Variants in SDK1 observed in about 807,000 individuals in gnomAD.
SDK1 encodes the protein protein sidekick-1.
Under a neutral mutation model 245.5 loss-of-function variants are expected in SDK1, and 157 were observed. The ratio of observed to expected loss-of-function variants is 0.64; its 90% CI spans 0.56 to 0.73. The LOEUF (loss-of-function observed/expected upper bound fraction) is 0.73, where lower values mean the gene tolerates loss of function less well. Among genes scored for constraint, SDK1 ranks in the 30% least tolerant of loss-of-function variants. The pLI is 0.00. For synonymous variants in SDK1, 1,647 were observed against 1,278.5 expected, an observed-to-expected ratio of 1.29 and a Z score of -6.15; for missense variants, 3,583 against 3,002.3, an observed-to-expected ratio of 1.19 and a Z score of -4.52.
intron 22 of SDK1, among the ~76,000 whole-genome samples, chr7:4,088,726 G>C (rs1305326710): frequency 6.6e-6 from 1 of 152,152 alleles, no homozygotes; most frequent in Non-Finnish European, 1.5e-5. Context: ...CTTGATGTTT[G>C]TTTTGTTTGG....
intron 5 of SDK1, among the ~76,000 whole-genome samples, chr7:3,866,716 C>G (rs1780830278): frequency 6.6e-6 from 1 of 152,136 alleles, no homozygotes; most frequent in Admixed American, 6.5e-5. Flanking sequence ...ATACAGACAC[C>G]AGGCTGGTTA....
intron 4 of SDK1, among the ~76,000 whole-genome samples, chr7:3,797,886 C>T (rs191161002): frequency 1.1e-3 from 165 of 152,236 alleles, no homozygotes; most frequent in Non-Finnish European, 2.1e-3. Context: ...CAGATGTCAA[C>T]TTTTTGTTGT....
intron 19 of SDK1, among the ~76,000 whole-genome samples, chr7:4,060,825 G>A (rs939610579): frequency 6.6e-5 from 10 of 152,100 alleles, no homozygotes; most frequent in Admixed American, 3.3e-4. Context: ...TGTATAAGGT[G>A]TAAGGAGGGG....
At chr7:4,202,556 G>A (rs975894447) in intron 35 of SDK1, among the ~76,000 whole-genome samples, 4 of 152,184 alleles carry the variant, frequency 2.6e-5, no homozygotes, top group African/African-American at 7.2e-5. Context: ...TGGAGCGACC[G>A]CCAGTCACAG....
rs941590052 is a variant in SDK1, at chr7:3,723,322, A to C, written c.713+81217A>C. ...ATAGAAAACAGGCAGCACTTTCCTG[A>C]AAGAAGAGCAATTTTTATATCTTAA... On this transcript the variant is annotated intron_variant, in intron 4 of 44. Transcript: ENST00000404826. Among the ~76,000 whole-genome samples the C allele has an allele frequency of 3.3e-5, 5 of 152,220 alleles. No homozygotes were observed. In the South Asian group the frequency reaches 8.3e-4, roughly 25 times the overall value.
intron 1 of SDK1, among the ~76,000 whole-genome samples, chr7:3,528,222 G>C (rs192728204): frequency 7.1e-6 from 1 of 141,026 alleles, no homozygotes; most frequent in Admixed American, 7.0e-5. Context: ...GGGGGTGGGT[G>C]GTGGGAGGTA....
At chr7:4,056,153 A>ATTTT (rs34368464) in intron 19 of SDK1, among the ~76,000 whole-genome samples, 3 of 142,396 alleles carry the variant, frequency 2.1e-5, no homozygotes, top group African/African-American at 7.7e-5. Flanking sequence ...AATAATCTCA[A>ATTTT]TTTTTTTTTT....
In SDK1 at chr7:4,076,671, C is replaced by T. The variant is rs1272210230; in HGVS notation, c.3011-327C>T. ...TTGAGCACAGCAGGCTGGCAGCTGT[C>T]GTCATGTTTCAGTTCACGCACCTGG... On this transcript the variant is annotated intron_variant, in intron 20 of 44. Coordinates refer to ENST00000404826, the MANE Select transcript of SDK1 (RefSeq NM_152744.4). Among the ~76,000 whole-genome samples, 7 of 152,304 alleles carry T rather than the reference C, an allele frequency of 4.6e-5. No homozygotes were observed. The South Asian group carries it at 1.2e-3, about 27-fold the overall frequency.
intron 22 of SDK1, among the ~76,000 whole-genome samples, chr7:4,101,553 A>G (rs1782547148): frequency 6.6e-6 from 1 of 152,204 alleles, no homozygotes; most frequent in Non-Finnish European, 1.5e-5. Flanking sequence ...CAAATGTAAG[A>G]GAGGCTGTGG....
chr7:3,403,863 ATATATAAT>A lies in SDK1; in HGVS notation c.298+101980_298+101987del, dbSNP rs1453118510. ...TATATATATATATATATATATATAT[ATATATAAT>A]ATATATATTTATTTATATTATATAT... On this transcript the variant is annotated intron_variant, in intron 1 of 44. Coordinates refer to ENST00000404826, the MANE Select transcript of SDK1 (RefSeq NM_152744.4). 3.7e-4 allele frequency among the ~76,000 whole-genome samples: 37 copies of A among 99,956 alleles called. 1 individual carries two copies. Among genetic ancestry groups the A allele is most frequent in the African/African-American group, 1.3e-3 (28 of 21,080 alleles). The allele number at this position is 99,956 out of a possible 152,430, so 65.6% of individuals were successfully genotyped here. A position where few individuals can be genotyped will look rare whatever the true frequency, so the allele number is the denominator to read the frequency against.
chr7:3,853,792 C>G (rs1780474828), intron 5 of SDK1, among the ~76,000 whole-genome samples: 1 of 152,032 alleles, frequency 6.6e-6, no homozygotes. Flanking sequence ...ACATTGAGAC[C>G]ATCCTGGCCA....
chr7:3,399,681 G>C (rs1023631397), intron 1 of SDK1, among the ~76,000 whole-genome samples: 1 of 152,034 alleles, frequency 6.6e-6, no homozygotes, highest in Admixed American at 6.6e-5. Context: ...AATCTCTGTT[G>C]GGTTTGATTA....
intron 35 of SDK1, among the ~76,000 whole-genome samples, chr7:4,186,149 A>T (rs1031998251): frequency 2.0e-5 from 3 of 152,254 alleles, no homozygotes; most frequent in Non-Finnish European, 4.4e-5. Context: ...CACCAAACAA[A>T]GCTTGTGGTT....
chr7:4,103,535 CTAGAGGTCGCTAAGTG>C (rs1387937126), intron 22 of SDK1, among the ~76,000 whole-genome samples: 1 of 152,212 alleles, frequency 6.6e-6, no homozygotes, highest in Admixed American at 6.5e-5. Context: ...AGTTTCTCCC[CTAGAGGTCGCTAAGTG>C]TAGTTACATT....
At chr7:3,335,518 A>G (rs1190598774) in intron 1 of SDK1, among the ~76,000 whole-genome samples, 4 of 151,692 alleles carry the variant, frequency 2.6e-5, no homozygotes, top group Non-Finnish European at 4.4e-5. Context: ...GGTACATAGT[A>G]GGTGCTCAAA....
intron 1 of SDK1, among the ~76,000 whole-genome samples, chr7:3,346,426 T>C (rs1013352821): frequency 6.6e-6 from 1 of 152,184 alleles, no homozygotes; most frequent in African/African-American, 2.4e-5. Context: ...GTACGTATGG[T>C]CCTGATCGAT....
At chr7:3,913,398 A>G (rs1779254277) in intron 5 of SDK1, among the ~76,000 whole-genome samples, 1 of 146,868 alleles carries the variant, frequency 6.8e-6, no homozygotes, top group Non-Finnish European at 1.5e-5. Context: ...GGTTCACGCC[A>G]TTCTCCTGCC....
chr7:3,765,689 A>C (rs1780233628), intron 4 of SDK1, among the ~76,000 whole-genome samples: 1 of 152,254 alleles, frequency 6.6e-6, no homozygotes, highest in African/African-American at 2.4e-5. Flanking sequence ...GTCAGCCATC[A>C]GAATTTACAT....
intron 5 of SDK1, among the ~76,000 whole-genome samples, chr7:3,881,668 C>G (rs183899368): frequency 6.6e-6 from 1 of 152,258 alleles, no homozygotes; most frequent in Non-Finnish European, 1.5e-5. Flanking sequence ...GCTTCTAGAT[C>G]TTTCAGGAAT....
Sources: gnomAD v4.1 joint callset for allele counts (sites outside exome capture counted in the v4.1 genomes callset) on GRCh38, gnomAD v4.1.1 for gene constraint, MANE v1.5 for transcripts, NCBI Gene and HGNC (gene_info 2026-07-23, HGNC 2026-07-21) for gene names.